Variants in EML6 observed in about 807,000 individuals in gnomAD.
The protein encoded by EML6 is echinoderm microtubule-associated protein-like 6.
A neutral mutation model predicts 240.1 loss-of-function variants in EML6; 154 were observed. The observed-to-expected ratio is 0.64, with a 90% CI of 0.56 to 0.73. The LOEUF (loss-of-function observed/expected upper bound fraction) is 0.73, where lower values mean the gene tolerates loss of function less well. Ranked by LOEUF, EML6 falls within the 30% of genes least tolerant of loss-of-function variation. The probability of loss-of-function intolerance (pLI) is 0.00; values close to 1 mark genes in which losing one functional copy is unlikely to be tolerated. For missense variants in EML6, 2,964 were observed against 2,474.6 expected (o/e 1.20, Z -4.20); for synonymous variants, 1,148 against 899.0 (o/e 1.28, Z -4.95).
chr2:54,892,089 C>A (rs1198513631), intron 18 of EML6, among the ~76,000 whole-genome samples: 1 of 152,168 alleles, frequency 6.6e-6, no homozygotes, highest in Non-Finnish European at 1.5e-5. Flanking sequence ...GTCACTCTTT[C>A]TCTTGGCTGA....
chr2:54,922,946 T>C (rs1236482579), intron 26 of EML6, among the ~76,000 whole-genome samples: 1 of 147,220 alleles, frequency 6.8e-6, no homozygotes, highest in East Asian at 2.0e-4. Flanking sequence ...TTTTTTTTTT[T>C]TTTTTTTTTT....
rs1485137137 is a variant in EML6, at chr2:54,903,440, A to G, written c.3347A>G (p.Lys1116Arg). 2 of 1,551,962 alleles carry G rather than the reference A, an allele frequency of 1.3e-6. No individual in the cohort carries two copies. Among genetic ancestry groups the G allele is most frequent in the Non-Finnish European group, 8.7e-7 (1 of 1,146,980 alleles). ...GATATTTACAACGTACTTACAAGCA[A>G]AAGGGTTGGCATCTGTAAAGGTGCT... ...FVDIYNVLTS[K>R]RVGICKGASS... is the part of the protein sequence containing the mutation. Residue 1116 changes from lysine to arginine, a missense_variant, in exon 24 of 42, where the codon AAA becomes AGA. Coordinates refer to ENST00000356458, the MANE Select transcript of EML6 (RefSeq NM_001039753.4).
At chr2:54,782,785 C>T (rs1383652030) in intron 2 of EML6, among the ~76,000 whole-genome samples, 1 of 151,888 alleles carries the variant, frequency 6.6e-6, no homozygotes, top group Non-Finnish European at 1.5e-5. Flanking sequence ...CCCTCTTACT[C>T]ATTGATTAAA....
intron 2 of EML6, among the ~76,000 whole-genome samples, chr2:54,784,185 G>T (rs938060447): frequency 6.6e-6 from 1 of 151,950 alleles, no homozygotes; most frequent in African/African-American, 2.4e-5. Flanking sequence ...GGCTCAAATG[G>T]TCCTCCTACC....
At chr2:54,942,579 AT>A (rs1468961803) in intron 28 of EML6, among the ~76,000 whole-genome samples, 1 of 152,042 alleles carries the variant, frequency 6.6e-6, no homozygotes, top group African/African-American at 2.4e-5. Context: ...TGTTTAAACT[AT>A]GTTGGCGTGC....
intron 11 of EML6, among the ~76,000 whole-genome samples, chr2:54,854,716 A>C (rs1404360491): frequency 6.6e-6 from 1 of 152,250 alleles, no homozygotes; most frequent in East Asian, 1.9e-4. Flanking sequence ...GTACAAATGG[A>C]ACATAAAATG....
chr2:54,862,656 A>G (rs1472106918), intron 12 of EML6, among the ~76,000 whole-genome samples: 1 of 152,198 alleles, frequency 6.6e-6, no homozygotes, highest in Non-Finnish European at 1.5e-5. Flanking sequence ...AAATAAAGCC[A>G]AATCTAGGAA....
intron 3 of EML6, among the ~76,000 whole-genome samples, chr2:54,814,564 G>C (rs1667999885): frequency 6.6e-6 from 1 of 152,004 alleles, no homozygotes; most frequent in African/African-American, 2.4e-5. Context: ...GCGTGTTTCT[G>C]CCTGTTAATT....
chr2:54,910,869 CA>C, intron 24 of EML6, 84 bp from the exon 25 acceptor site: 1 of 655,980 alleles, frequency 1.5e-6, no homozygotes. Flanking sequence ...TAAAATGAAT[CA>C]AAATAGCACC....
intron 28 of EML6, among the ~76,000 whole-genome samples, chr2:54,943,975 G>A (rs1403581954): frequency 6.6e-6 from 1 of 152,080 alleles, no homozygotes; most frequent in Non-Finnish European, 1.5e-5. Flanking sequence ...TCGCCTTTTT[G>A]AAAGAATCTC....
At chr2:54,767,547 A>G (rs556764186) in intron 2 of EML6, among the ~76,000 whole-genome samples, 1 of 151,764 alleles carries the variant, frequency 6.6e-6, no homozygotes, top group East Asian at 1.9e-4. Flanking sequence ...TGTATCACAT[A>G]TTTACTGAGT....
intron 38 of EML6, among the ~76,000 whole-genome samples, chr2:54,965,247 A>C (rs982979283): frequency 6.6e-6 from 1 of 152,166 alleles, no homozygotes; most frequent in African/African-American, 2.4e-5. Flanking sequence ...AAACAGAATG[A>C]TTTCTCTAGC....
intron 24 of EML6, among the ~76,000 whole-genome samples, chr2:54,909,030 A>G (rs1286532659): frequency 2.0e-5 from 3 of 152,100 alleles, no homozygotes; most frequent in Non-Finnish European, 4.4e-5. Flanking sequence ...TCACTGAGAG[A>G]TTTTTCTCAT....
intron 33 of EML6, 91 bp from the exon 34 acceptor site, chr2:54,959,013 C>G (rs1676367839): frequency 2.4e-6 from 3 of 1,261,326 alleles, no homozygotes; most frequent in Non-Finnish European, 2.2e-6. Context: ...GTCTGCATCT[C>G]TAGCTCTGGT....
At chr2:54,798,433 A>G (rs1669937310) in intron 2 of EML6, among the ~76,000 whole-genome samples, 1 of 152,154 alleles carries the variant, frequency 6.6e-6, no homozygotes, top group African/African-American at 2.4e-5. Context: ...TCAGCCCCCT[A>G]AAGTGCTGGG....
At chr2:54,871,780 T>C (rs924981035) in intron 16 of EML6, among the ~76,000 whole-genome samples, 175 bp downstream of exon 16, 3 of 152,264 alleles carry the variant, frequency 2.0e-5, no homozygotes, top group Non-Finnish European at 4.4e-5. Flanking sequence ...GCTCTTATAC[T>C]GAGAATCATA....
Position 54,917,358 on chromosome 2 carries a change from G to T in EML6, c.3675+423G>T, listed in dbSNP as rs6756252. Among the ~76,000 whole-genome samples the T allele has an allele frequency of 6.7e-3, 824 of 123,314 alleles. 1 individual carries two copies. The highest frequency in any genetic ancestry group is 0.01 in the African/African-American group (336 of 32,692). The allele number at this position is 123,314 out of a possible 152,430, so 80.9% of individuals were successfully genotyped here. On this transcript the variant is annotated intron_variant, in intron 26 of 41. Transcript: ENST00000356458. ...ATTCTCTTCTTCCCTTTTTTTTTTT[G>T]TTTTTTTTTTTTTTTTTGTTTTTTG...
chr2:54,797,021 G>T (rs935732957), intron 2 of EML6, among the ~76,000 whole-genome samples: 1 of 151,618 alleles, frequency 6.6e-6, no homozygotes, highest in Admixed American at 6.6e-5. Flanking sequence ...AAAAATTAGC[G>T]GGGCCTAGTG....
intron 14 of EML6, 131 bp downstream of exon 14, chr2:54,867,015 T>C: frequency 1.8e-6 from 1 of 561,646 alleles, no homozygotes; most frequent in Non-Finnish European, 3.3e-6. Flanking sequence ...TTCTCTGCAA[T>C]GTGCACTTGT....
Sources: gnomAD v4.1 joint callset for allele counts (sites outside exome capture counted in the v4.1 genomes callset) on GRCh38, gnomAD v4.1.1 for gene constraint, MANE v1.5 for transcripts, NCBI Gene and HGNC (gene_info 2026-07-23, HGNC 2026-07-21) for gene names.